Variants in MKRN2OS observed in about 807,000 individuals in gnomAD.
MKRN2OS encodes MKRN2 opposite strand protein.
MKRN2OS carries 17 observed loss-of-function variants against 18.2 expected under a neutral mutation model. The ratio of observed to expected loss-of-function variants is 0.93; its 90% CI spans 0.64 to 1.40. The LOEUF (loss-of-function observed/expected upper bound fraction) is 1.40. Among genes scored for constraint, MKRN2OS ranks in the 40% most tolerant of loss-of-function variants. The probability of loss-of-function intolerance (pLI) is 0.00; values close to 1 mark genes in which losing one functional copy is unlikely to be tolerated. For synonymous variants in MKRN2OS, 121 were observed against 108.5 expected (o/e 1.12, Z -0.72); for missense variants, 337 against 283.0 (o/e 1.19, Z -1.37).
intron 2 of MKRN2OS, among the ~76,000 whole-genome samples, chr3:12,542,455 C>G (rs1162539804): frequency 2.6e-5 from 4 of 152,186 alleles, no homozygotes; most frequent in African/African-American, 9.6e-5. Context: ...GTAACTAAGT[C>G]CAGAACTGTT....
In MKRN2OS at chr3:12,557,853, C is replaced by T. The variant is rs544058564; in HGVS notation, n.264+2904G>A. On this transcript the variant is annotated intron_variant and non_coding_transcript_variant, in intron 1 of 1. Coordinates refer to the MKRN2OS transcript ENST00000447550. ...ACACTCATTTATCTTACTGAGAGAG[C>T]CATTTACGAGGAGAAATGCGACGGT... is the stretch of plus-strand genomic sequence containing the variant. Among the ~76,000 whole-genome samples the T allele has an allele frequency of 2.6e-5, 4 of 152,286 alleles. No homozygotes were observed. The East Asian group carries it at 7.7e-4, about 29-fold the overall frequency.
chr3:12,557,081 A>G, intron 1 of MKRN2OS: 8 of 1,276,758 alleles, frequency 6.3e-6, no homozygotes, highest in Non-Finnish European at 8.1e-6. Flanking sequence ...GGGCCGGGCC[A>G]GGGCCAAGGC....
In MKRN2OS at chr3:12,541,852, T is replaced by C; in HGVS notation, c.431+8A>G. ...GTCAGCGAGGGGGCAGCATTTGCAG[T>C]CGTGTACCTGTGAGGCAGCCAGGCC... is the stretch of plus-strand genomic sequence containing the variant. On this transcript the variant is annotated splice_region_variant and intron_variant, in intron 3 of 3. Coordinates refer to ENST00000564146, the MANE Select transcript of MKRN2OS (RefSeq NM_001195279.2). 6.5e-7 allele frequency: 1 copy of C among 1,534,620 alleles called. No individual in the cohort carries two copies. Among genetic ancestry groups the C allele is most frequent in the Non-Finnish European group, 8.7e-7 (1 of 1,146,438 alleles).
chr3:12,547,622 A>G (rs2057896156), upstream of MKRN2OS, among the ~76,000 whole-genome samples: 1 of 152,172 alleles, frequency 6.6e-6, no homozygotes, highest in South Asian at 2.1e-4. Flanking sequence ...CTTTTCCACA[A>G]TATCAGTGAT....
chr3:12,542,277 G>A (rs968388468), intron 2 of MKRN2OS, among the ~76,000 whole-genome samples: 1 of 152,116 alleles, frequency 6.6e-6, no homozygotes, highest in South Asian at 2.1e-4. Context: ...GCTGTTGAGG[G>A]CTGTGAAGTT....
rs1256368461 is a variant in MKRN2OS, at chr3:12,543,683, C to T, written c.219-454G>A. Among the ~76,000 whole-genome samples the T allele has an allele frequency of 2.7e-5, 4 of 150,664 alleles. 1 individual carries two copies. The highest frequency in any genetic ancestry group is 2.1e-4 in the South Asian group (1 of 4,778). ...GGAGGATCTTTTGAGGCCAGGAGTT[C>T]GAGACCAGCCTGGAAAACATTGCGA... On this transcript the variant is annotated intron_variant, in intron 1 of 3. Transcript: ENST00000564146.
upstream of MKRN2OS, among the ~76,000 whole-genome samples, chr3:12,546,354 A>T (rs1951169584): frequency 1.3e-5 from 2 of 152,258 alleles, no homozygotes; most frequent in Admixed American, 6.5e-5. Flanking sequence ...CGGTTACAGG[A>T]GGGAGATACT....
rs533820017 is a variant in MKRN2OS at position 12,543,637 on chromosome 3, G to A, written c.219-408C>T. ...GCAGTGGCTCACGCCTGTAATCTCAGCACTTTGGGAGGCTGAGGTGGGAGG... is the reference window on the plus strand; with the variant it reads ...GCAGTGGCTCACGCCTGTAATCTCAACACTTTGGGAGGCTGAGGTGGGAGG... On this transcript the variant is annotated intron_variant, in intron 1 of 3. Coordinates refer to ENST00000564146, the MANE Select transcript of MKRN2OS (RefSeq NM_001195279.2). Among the ~76,000 whole-genome samples the A allele has an allele frequency of 6.6e-5, 10 of 151,900 alleles. 2 individuals carry two copies. In the South Asian group the frequency reaches 2.1e-3, roughly 32 times the overall value.
At chr3:12,552,971 A>G (rs536751631), downstream of MKRN2OS, among the ~76,000 whole-genome samples, 2 of 146,870 alleles carry the variant, frequency 1.4e-5, no homozygotes, top group East Asian at 4.1e-4. Flanking sequence ...AGCCAAGATC[A>G]CACCACGGCA....
chr3:12,550,098 C>A (rs1193074803), upstream of MKRN2OS, among the ~76,000 whole-genome samples: 1 of 152,152 alleles, frequency 6.6e-6, no homozygotes, highest in African/African-American at 2.4e-5. Context: ...TTGGTATTTA[C>A]CCAAATGAAT....
intron 3 of MKRN2OS, among the ~76,000 whole-genome samples, chr3:12,541,080 C>G (rs2057801445): frequency 6.6e-6 from 1 of 151,670 alleles, no homozygotes; most frequent in Non-Finnish European, 1.5e-5. Context: ...TCCATAGTAT[C>G]TAAACTTATT....
downstream of MKRN2OS, among the ~76,000 whole-genome samples, chr3:12,552,732 C>T (rs1264807103): frequency 6.6e-6 from 1 of 151,574 alleles, no homozygotes; most frequent in Non-Finnish European, 1.5e-5. Flanking sequence ...AATTAAAAAT[C>T]ATCCTGCAGG....
upstream of MKRN2OS, chr3:12,545,517 C>T: frequency 7.5e-7 from 1 of 1,335,996 alleles, no homozygotes; most frequent in Middle Eastern, 2.6e-4. Context: ...TCCTTTTCCT[C>T]ATTATACACC....
At position 12,557,121 on chromosome 3, in the gene MKRN2OS, G is replaced by T. The variant is rs1325419292; in HGVS notation, n.265-2987C>A. On this transcript the variant is annotated intron_variant and non_coding_transcript_variant, in intron 1 of 1. Transcript: ENST00000447550. The stretch of plus-strand genomic sequence containing the variant: ...GCGGCAGCGGCTGCGAGAGGCGGCG[G>T]CACGACGACGGTCCCTCAGCCCAGC... 5 of 1,495,420 alleles carry T rather than the reference G, an allele frequency of 3.3e-6. No individual in the cohort carries two copies. In the Admixed American group the frequency reaches 1.1e-4, roughly 33 times the overall value. The allele number at this position is 1,495,420 out of a possible 1,614,324, so 92.6% of individuals were successfully genotyped here.
chr3:12,548,067 T>C (rs905938791), upstream of MKRN2OS, among the ~76,000 whole-genome samples: 3 of 152,142 alleles, frequency 2.0e-5, no homozygotes, highest in Admixed American at 1.3e-4. Context: ...CCCAGCACTT[T>C]GGGAGGCCAA....
At chr3:12,560,845 A>G (rs1385337050) in exon 1 of MKRN2OS, 2 of 152,270 alleles carry the variant, frequency 1.3e-5, no homozygotes, top group Non-Finnish European at 2.9e-5. Context: ...CTTGGAAGAT[A>G]TGAGGGGCGG....
chr3:12,546,727 G>A (rs1012076292), upstream of MKRN2OS, among the ~76,000 whole-genome samples: 10 of 151,564 alleles, frequency 6.6e-5, no homozygotes, highest in South Asian at 2.1e-4. Context: ...ACAGGTGCCC[G>A]CCACCACACC....
At chr3:12,545,700 G>A (rs1264287718), upstream of MKRN2OS, 1 of 368,560 alleles carries the variant, frequency 2.7e-6, no homozygotes, top group Non-Finnish European at 4.8e-6. Flanking sequence ...ACTGATAACT[G>A]CCAGCTCCTA....
intron 3 of MKRN2OS, among the ~76,000 whole-genome samples, chr3:12,541,527 G>GTT (rs150371406): frequency 6.6e-6 from 1 of 151,766 alleles, no homozygotes; most frequent in African/African-American, 2.4e-5. Context: ...CCTGAATATT[G>GTT]TTTTTTTTAA....
Sources: gnomAD v4.1 joint callset for allele counts (sites outside exome capture counted in the v4.1 genomes callset) on GRCh38, gnomAD v4.1.1 for gene constraint, MANE v1.5 for transcripts, NCBI Gene and HGNC (gene_info 2026-07-23, HGNC 2026-07-21) for gene names.